Variants in ITGA3 observed in about 807,000 individuals in gnomAD.
ITGA3 encodes integrin alpha-3.
Under a neutral mutation model 131.1 loss-of-function variants are expected in ITGA3, and 70 were observed. The ratio of observed to expected loss-of-function variants is 0.53; its 90% CI spans 0.44 to 0.65. The LOEUF (loss-of-function observed/expected upper bound fraction) is 0.65. ITGA3 is among the 30% of genes least tolerant of loss of function. ITGA3 has a pLI of 0.00. For synonymous variants in ITGA3, 537 were observed against 571.6 expected (o/e 0.94, Z 0.86); for missense variants, 1,098 against 1,388.6 (o/e 0.79, Z 3.33).
rs146262123 is a variant in ITGA3, at chr17:50,078,090, C to T, written c.2184C>T (p.His728=). Residue 728 remains histidine, a synonymous_variant, in exon 17 of 26, where the codon CAC becomes CAT. Coordinates refer to ENST00000320031, the MANE Select transcript of ITGA3 (RefSeq NM_002204.4). ...IAFEVIGVTL[H]TRDLQVQLQL... is the part of the protein sequence containing the mutation. Reference sequence around the variant, plus strand: ...TTGAGGTCATCGGGGTGACCCTGCACACAAGGGACCTTCAGGTGCAGCTGC... The same window carrying T: ...TTGAGGTCATCGGGGTGACCCTGCATACAAGGGACCTTCAGGTGCAGCTGC... 193 of 1,613,868 alleles carry T rather than the reference C, an allele frequency of 1.2e-4. No individual in the cohort carries two copies. The African/African-American group carries it at 2.4e-3, about 20-fold the overall frequency.
chr17:50,074,919 GATA>G (rs936782247), intron 10 of ITGA3, among the ~76,000 whole-genome samples: 2 of 152,118 alleles, frequency 1.3e-5, no homozygotes, highest in African/African-American at 4.8e-5. Flanking sequence ...GAACAGAATT[GATA>G]ATAACTGATT....
rs1908789351 is a variant in ITGA3 at position 50,074,502 on chromosome 17, G to A, written c.1437G>A (p.Val479=). 4 of 1,613,958 alleles carry A rather than the reference G, an allele frequency of 2.5e-6. No individual in the cohort carries two copies. The highest frequency in any genetic ancestry group is 3.4e-6 in the Non-Finnish European group (4 of 1,179,924). ...AGACCTTGGTGCCCAGGCCAGCTGT[G>A]CTGGACCCTGCACTTTGCACGGCCA... ...VHKTLVPRPA[V]LDPALCTATS... The change falls in exon 10 of 26, where the codon GTG becomes GTA. Residue 479 remains valine, a synonymous_variant. Transcript: ENST00000320031.
Position 50,064,070 on chromosome 17 carries a change from T to C in ITGA3, c.207-7T>C, listed in dbSNP as rs1908211420. 2 of 1,612,236 alleles carry C rather than the reference T, an allele frequency of 1.2e-6. No individual in the cohort carries two copies. Among genetic ancestry groups the C allele is most frequent in the South Asian group, 1.1e-5 (1 of 90,652 alleles). On this transcript the variant is annotated splice_polypyrimidine_tract_variant and splice_region_variant and intron_variant, in intron 1 of 25. Coordinates refer to ENST00000320031, the MANE Select transcript of ITGA3 (RefSeq NM_002204.4). The surrounding 1 kb of genome is among the most constrained non-coding windows in gnomAD (Gnocchi z 4.4). ...GAACCCGGACCCACCTCCGTCCCTA[T>C]CCCCAGGCTCCTGGCTGGTGCCCCC...
chr17:50,075,216 C>T (rs769213779), intron 10 of ITGA3, among the ~76,000 whole-genome samples: 2 of 152,172 alleles, frequency 1.3e-5, no homozygotes, highest in African/African-American at 2.4e-5. Flanking sequence ...TCAGACAAGT[C>T]CTTCTGGGCC....
rs111983058 is a variant in ITGA3 at position 50,076,547 on chromosome 17, G to A, written c.1825-37G>A. ...CGGTGGGGCGAGAGGGCACTGGGGG[G>A]GGTGGTGCGGCCTTCACACCTCCGG... On this transcript the variant is annotated intron_variant, in intron 13 of 25. Transcript: ENST00000320031. 2.5e-5 allele frequency: 40 copies of A among 1,605,430 alleles called. No homozygotes were observed. In the African/African-American group the frequency reaches 2.6e-4, roughly 10 times the overall value.
chr17:50,074,369 C>A (rs927209871), intron 9 of ITGA3, 79 bp from the exon 10 acceptor site: 3 of 1,597,920 alleles, frequency 1.9e-6, no homozygotes, highest in South Asian at 1.1e-5. Context: ...TGCGCTAGCT[C>A]CTTGGAAGCC....
chr17:50,087,742 A>T lies in ITGA3; in HGVS notation c.2920-2A>T. ...GGCTGAGTCCTCCTCTCCCCGCTCC[A>T]GTTCTCTGTGGACATTGACTCGGAG... is the stretch of plus-strand genomic sequence containing the variant. On this transcript the variant is annotated splice_acceptor_variant, in intron 23 of 25. Coordinates refer to ENST00000320031, the MANE Select transcript of ITGA3 (RefSeq NM_002204.4). LOFTEE classifies it high-confidence loss of function. 6.2e-7 allele frequency: 1 copy of T among 1,612,586 alleles called. No homozygotes were observed. Among genetic ancestry groups the T allele is most frequent in the South Asian group, 1.1e-5 (1 of 91,050 alleles).
intron 20 of ITGA3, 70 bp downstream of exon 20, chr17:50,079,328 C>G (rs1909074325): frequency 8.3e-6 from 13 of 1,562,494 alleles, no homozygotes; most frequent in Admixed American, 1.8e-5. Flanking sequence ...TCCCCTCCCT[C>G]CCCTCATACC....
intron 23 of ITGA3, among the ~76,000 whole-genome samples, chr17:50,084,230 C>CAAAAAAAA (rs61103198): frequency 1.5e-4 from 4 of 26,988 alleles, no homozygotes; most frequent in East Asian, 8.9e-4. Flanking sequence ...GACTCTGTCT[C>CAAAAAAAA]AAAAAAAAAA....
At chr17:50,066,986 C>T (rs796137074) in intron 3 of ITGA3, among the ~76,000 whole-genome samples, 9 of 152,266 alleles carry the variant, frequency 5.9e-5, no homozygotes, top group African/African-American at 2.2e-4. Context: ...TTTTAAGCTC[C>T]AGGTTGGCAT....
Position 50,089,282 on chromosome 17 carries a change from ACCCCCTCCT to A in ITGA3, c.*210_*218del. On this transcript the variant is annotated 3_prime_UTR_variant, in exon 26 of 26. Coordinates refer to ENST00000320031, the MANE Select transcript of ITGA3 (RefSeq NM_002204.4). Reference sequence around the variant, plus strand: ...TACTACTGACGTCCTCCCTGATCCCACCCCCTCCTCCCCCAGTGTCCCCTTTCTTCCTAT... The same window carrying A: ...TACTACTGACGTCCTCCCTGATCCCACCCCCAGTGTCCCCTTTCTTCCTAT... 1 of 1,577,990 alleles carries A rather than the reference ACCCCCTCCT, an allele frequency of 6.3e-7. No individual in the cohort carries two copies. Among genetic ancestry groups the A allele is most frequent in the Non-Finnish European group, 8.6e-7 (1 of 1,156,548 alleles).
chr17:50,075,645 G>A lies in ITGA3; in HGVS notation c.1584G>A (p.Arg528=). ...LEADRDRRPP[R]LRFAGSESAV... ...CTGACAGGGACCGCCGGCCGCCCCGGCTCCGCTTTGCCGGCAGTGAGTCCG... is the reference window on the plus strand; with the variant it reads ...CTGACAGGGACCGCCGGCCGCCCCGACTCCGCTTTGCCGGCAGTGAGTCCG... The change falls in exon 12 of 26, where the codon CGG becomes CGA. Residue 528 remains arginine, a synonymous_variant. Coordinates refer to ENST00000320031, the MANE Select transcript of ITGA3 (RefSeq NM_002204.4). The A allele has an allele frequency of 6.2e-7, 1 of 1,614,174 alleles. No homozygotes were observed. Among genetic ancestry groups the A allele is most frequent in the South Asian group, 1.1e-5 (1 of 91,080 alleles).
Position 50,088,239 on chromosome 17 carries a change from G to T in ITGA3, c.3060G>T (p.Lys1020Asn). 1 of 1,566,852 alleles carries T rather than the reference G, an allele frequency of 6.4e-7. No homozygotes were observed. The highest frequency in any genetic ancestry group is 8.7e-7 in the Non-Finnish European group (1 of 1,155,696). ...ILLLWKCGFF[K>N]RARTRALYEA... ...CCCCTCCGCAGTGCGGCTTCTTCAA[G>T]CGAGCCCGCACTCGCGCCCTGTATG... The change falls in exon 25 of 26, where the codon AAG (lysine) becomes AAT (asparagine). Residue 1020 changes from lysine to asparagine, a missense_variant. Physicochemically the swap from Lys to Asn is moderately conservative, Grantham distance 94. Transcript: ENST00000320031.
At chr17:50,082,190 A>G (rs1598196451) in intron 23 of ITGA3, among the ~76,000 whole-genome samples, 1 of 151,568 alleles carries the variant, frequency 6.6e-6, no homozygotes, top group African/African-American at 2.4e-5. Flanking sequence ...GTATTTATTT[A>G]TTTATTTATT....
At position 50,076,346 on chromosome 17, in the gene ITGA3, C is replaced by T. The variant is rs778396793; in HGVS notation, c.1695C>T (p.Leu565=). ...CCCAGGACAACCTCCGTGACAAACT[C>T]CGCCCCATCATCATCTCCATGAACT... ...LLLMDNLRDK[L]RPIIISMNYS... is the part of the protein sequence containing the mutation. Residue 565 remains leucine (L), a synonymous_variant, in exon 13 of 26, where the codon CTC becomes CTT. Coordinates refer to ENST00000320031, the MANE Select transcript of ITGA3 (RefSeq NM_002204.4). The T allele has an allele frequency of 1.2e-6, 2 of 1,613,804 alleles. No homozygotes were observed. Among genetic ancestry groups the T allele is most frequent in the Non-Finnish European group, 1.7e-6 (2 of 1,179,980 alleles).
chr17:50,064,818 G>T lies in ITGA3; in HGVS notation c.414+211G>T. On this transcript the variant is annotated intron_variant, in intron 3 of 25. Coordinates refer to ENST00000320031, the MANE Select transcript of ITGA3 (RefSeq NM_002204.4). The surrounding 1 kb of genome is among the most constrained non-coding windows in gnomAD (Gnocchi z 4.4). ...CTGTGCTCTCCCAAACCCCCGCACG[G>T]CCTGAGTTCTCTGACTCATCCACTT... 2 of 514,472 alleles carry T rather than the reference G, an allele frequency of 3.9e-6. No individual in the cohort carries two copies. The highest frequency in any genetic ancestry group is 3.4e-6 in the Non-Finnish European group (1 of 290,162). The allele number at this position is 514,472 out of a possible 1,614,324, so 31.9% of individuals were successfully genotyped here. A position where few individuals can be genotyped will look rare whatever the true frequency, so the allele number is the denominator to read the frequency against.
intron 4 of ITGA3, among the ~76,000 whole-genome samples, chr17:50,070,639 T>A: frequency 1.4e-5 from 1 of 72,736 alleles, no homozygotes; most frequent in African/African-American, 6.4e-5. Context: ...AGAGCAAGAC[T>A]GTCTCAAAAA....
intron 1 of ITGA3, among the ~76,000 whole-genome samples, chr17:50,062,039 CAAAAAAA>C (rs529147794): frequency 8.5e-6 from 1 of 117,614 alleles, no homozygotes; most frequent in African/African-American, 3.5e-5. Flanking sequence ...GACCCTGTCT[CAAAAAAA>C]AAAAAAAAAA....
chr17:50,064,113 C>A lies in ITGA3; in HGVS notation c.243C>A (p.Pro81=). The change falls in exon 2 of 26, where the codon CCC becomes CCA. Residue 81 remains proline (P), a synonymous_variant. Coordinates refer to ENST00000320031, the MANE Select transcript of ITGA3 (RefSeq NM_002204.4). The surrounding 1 kb of genome is among the most constrained non-coding windows in gnomAD (Gnocchi z 4.4). The part of the protein sequence containing the change: ...LAGAPRELAV[P]DGYTNRTGAV... ...GTGCCCCCCGGGAGCTCGCTGTGCC[C>A]GATGGCTACACCAACCGGACTGGTG... 1 of 1,612,668 alleles carries A rather than the reference C, an allele frequency of 6.2e-7. No homozygotes were observed.
Sources: allele counts gnomAD v4.1 joint callset (sites outside exome capture counted in the v4.1 genomes callset), GRCh38; gene constraint gnomAD v4.1.1; non-coding constraint Gnocchi (gnomAD v3.1); transcripts MANE v1.5; gene names NCBI Gene and HGNC (gene_info 2026-07-23, HGNC 2026-07-21).